Variants in MVB12B observed in about 807,000 individuals in gnomAD.
The protein encoded by MVB12B is ESCRT-I complex subunit MVB12B.
Under a neutral mutation model 41.6 loss-of-function variants are expected in MVB12B, and 16 were observed. That is an observed-to-expected ratio of 0.38 (90% CI 0.26 to 0.58). The LOEUF is 0.58. Ranked by LOEUF, MVB12B falls within the 20% of genes least tolerant of loss-of-function variation. MVB12B has a pLI of 0.62. For missense variants in MVB12B, 274 were observed against 380.2 expected (o/e 0.72, Z 2.32); for synonymous variants, 133 against 139.7 (o/e 0.95, Z 0.34).
chr9:126,480,252 G>T lies in MVB12B; in HGVS notation c.758-1117G>T, dbSNP rs916712936. On this transcript the variant is annotated intron_variant, in intron 7 of 9. Transcript: ENST00000361171. This position sits in a 1 kb window ranked among gnomAD's most constrained non-coding sequence, Gnocchi z 4.9. ...GACCAGGCCCCTAACAACTGCGGCT[G>T]CATGTTCCCGACTCTTCCCAGACCT... 2.6e-5 allele frequency among the ~76,000 whole-genome samples: 4 copies of T among 152,100 alleles called. No individual in the cohort carries two copies. Among genetic ancestry groups the T allele is most frequent in the Non-Finnish European group, 5.9e-5 (4 of 68,014 alleles).
intron 6 of MVB12B, among the ~76,000 whole-genome samples, chr9:126,415,129 T>G (rs1198666355): frequency 6.6e-6 from 1 of 152,206 alleles, no homozygotes; most frequent in Non-Finnish European, 1.5e-5. Context: ...GCCAGTGGCC[T>G]AGTGCAGCTC....
intron 9 of MVB12B, among the ~76,000 whole-genome samples, chr9:126,502,775 G>A (rs1588218830): frequency 6.6e-6 from 1 of 152,218 alleles, no homozygotes; most frequent in Admixed American, 6.5e-5. Flanking sequence ...CAGGTTTGGG[G>A]TTGAGAATCT....
chr9:126,381,847 C>G (rs1830647022), intron 3 of MVB12B, among the ~76,000 whole-genome samples: 1 of 151,856 alleles, frequency 6.6e-6, no homozygotes, highest in Admixed American at 6.6e-5. Flanking sequence ...GCACCTCATT[C>G]TGTCCCCAGG....
At position 126,506,258 on chromosome 9, in the gene MVB12B, G is replaced by C. The variant is rs1436334225; in HGVS notation, c.*2995G>C. On this transcript the variant is annotated 3_prime_UTR_variant, in exon 10 of 10. Transcript: ENST00000361171. ...AGCACCTGTTCCTGGCCAGGCTCTA[G>C]GCCAGGCTCTCTAAGCACATTTCTC... 1 of 152,662 alleles carries C rather than the reference G, an allele frequency of 6.6e-6. No homozygotes were observed. Among genetic ancestry groups the C allele is most frequent in the Non-Finnish European group, 1.5e-5 (1 of 68,040 alleles). The allele number at this position is 152,662 out of a possible 1,614,324, so 9.5% of individuals were successfully genotyped here.
intron 7 of MVB12B, among the ~76,000 whole-genome samples, chr9:126,466,422 C>A (rs754784014): frequency 6.6e-6 from 1 of 152,220 alleles, no homozygotes; most frequent in East Asian, 1.9e-4. Context: ...AAGCAAGTCA[C>A]ATGGCCAAGC....
intron 2 of MVB12B, among the ~76,000 whole-genome samples, chr9:126,360,554 T>C (rs998868663): frequency 1.1e-4 from 16 of 152,224 alleles, no homozygotes; most frequent in Non-Finnish European, 1.8e-4. Context: ...ATTCTTCTTC[T>C]GTTGCAGTTG....
intron 8 of MVB12B, among the ~76,000 whole-genome samples, chr9:126,482,971 G>A (rs2119208588): frequency 6.6e-6 from 1 of 152,376 alleles, no homozygotes; most frequent in South Asian, 2.1e-4. Context: ...AGGAGGCGCT[G>A]AGACTGGTTT....
At position 126,376,432 on chromosome 9, in the gene MVB12B, G is replaced by T. The variant is rs148482556; in HGVS notation, c.205-4632G>T. ...CAGTGCCTGGTGACCCTTTGTTGTG[G>T]GTTGGGATTTAAGATGGAGGCACCA... On this transcript the variant is annotated intron_variant, in intron 2 of 9. Coordinates refer to ENST00000361171, the MANE Select transcript of MVB12B (RefSeq NM_033446.3). This position sits in a 1 kb window ranked among gnomAD's most constrained non-coding sequence, Gnocchi z 4.1. 6 of 1,112,738 alleles carry T rather than the reference G, an allele frequency of 5.4e-6. No homozygotes were observed. Among genetic ancestry groups the T allele is most frequent in the South Asian group, 1.3e-5 (1 of 77,466 alleles). The allele number at this position is 1,112,738 out of a possible 1,614,324, so 68.9% of individuals were successfully genotyped here.
chr9:126,484,269 A>G (rs1588206546), intron 9 of MVB12B, among the ~76,000 whole-genome samples: 1 of 152,398 alleles, frequency 6.6e-6, no homozygotes, highest in East Asian at 1.9e-4. Context: ...TCTCTAAGTC[A>G]GAATGTTTTA....
chr9:126,346,375 TGGG>T (rs898601988), intron 2 of MVB12B, among the ~76,000 whole-genome samples: 1 of 150,162 alleles, frequency 6.7e-6, no homozygotes, highest in African/African-American at 2.5e-5. Context: ...TGTTGGGAGG[TGGG>T]GGAGTAGGGA....
Position 126,459,798 on chromosome 9 carries a change from C to T in MVB12B, c.758-21571C>T, listed in dbSNP as rs1476069376. Among the ~76,000 whole-genome samples the T allele has an allele frequency of 2.0e-5, 3 of 152,146 alleles. No homozygotes were observed. Among genetic ancestry groups the T allele is most frequent in the African/African-American group, 4.8e-5 (2 of 41,434 alleles). ...CCGCTCACTTGGACCTGCCACTCTC[C>T]CACAGGGGCCGCTTGTCTCACAGTC... On this transcript the variant is annotated intron_variant, in intron 7 of 9. Coordinates refer to ENST00000361171, the MANE Select transcript of MVB12B (RefSeq NM_033446.3). This position sits in a 1 kb window ranked among gnomAD's most constrained non-coding sequence, Gnocchi z 4.3.
chr9:126,494,328 T>C (rs1370937001), intron 9 of MVB12B, among the ~76,000 whole-genome samples: 1 of 152,198 alleles, frequency 6.6e-6, no homozygotes, highest in East Asian at 1.9e-4. Context: ...CGGCAGCCAG[T>C]GTCCTGGCAG....
chr9:126,466,698 G>T (rs1382442722), intron 7 of MVB12B, among the ~76,000 whole-genome samples: 2 of 152,124 alleles, frequency 1.3e-5, no homozygotes, highest in Non-Finnish European at 2.9e-5. Flanking sequence ...TTTCTATGGT[G>T]CCCTAGAGAT....
In MVB12B at chr9:126,503,343, C is replaced by A; in HGVS notation, c.*80C>A. ...GGGCTGCTGCCCCCGCCTCCTCCTG[C>A]CGCCTCCGCCAGCCCTCCCTCCCAC... is the stretch of plus-strand genomic sequence containing the variant. On this transcript the variant is annotated 3_prime_UTR_variant, in exon 10 of 10. Transcript: ENST00000361171. 2 of 1,179,470 alleles carry A rather than the reference C, an allele frequency of 1.7e-6. No homozygotes were observed. Among genetic ancestry groups the A allele is most frequent in the Non-Finnish European group, 2.4e-6 (2 of 830,430 alleles). The allele number at this position is 1,179,470 out of a possible 1,614,324, so 73.1% of individuals were successfully genotyped here. A position where few individuals can be genotyped will look rare whatever the true frequency, so the allele number is the denominator to read the frequency against.
At chr9:126,356,471 C>T (rs752585994) in intron 2 of MVB12B, among the ~76,000 whole-genome samples, 42 of 152,058 alleles carry the variant, frequency 2.8e-4, no homozygotes, top group Non-Finnish European at 4.4e-5. Flanking sequence ...ATACAATAGA[C>T]TGCATATATT....
chr9:126,460,546 T>C (rs1833068360), intron 7 of MVB12B, among the ~76,000 whole-genome samples: 1 of 152,008 alleles, frequency 6.6e-6, no homozygotes, highest in Non-Finnish European at 1.5e-5. Flanking sequence ...CTATCCCCTG[T>C]GTAGAGATGT....
At chr9:126,424,785 T>C (rs1397233159) in intron 7 of MVB12B, among the ~76,000 whole-genome samples, 3 of 152,152 alleles carry the variant, frequency 2.0e-5, no homozygotes, top group Non-Finnish European at 4.4e-5. Flanking sequence ...TGTACCCTAA[T>C]CCAAACGGCC....
At chr9:126,488,054 G>T (rs961788401) in intron 9 of MVB12B, among the ~76,000 whole-genome samples, 1 of 152,164 alleles carries the variant, frequency 6.6e-6, no homozygotes, top group African/African-American at 2.4e-5. Flanking sequence ...GCTTTTCTCC[G>T]TAAATAAACC....
intron 2 of MVB12B, among the ~76,000 whole-genome samples, chr9:126,341,193 TC>T (rs1829435674): frequency 6.6e-6 from 1 of 152,154 alleles, no homozygotes; most frequent in Non-Finnish European, 1.5e-5. Flanking sequence ...CCCCTCCAAG[TC>T]CAGTGCTGTG....
Sources: gnomAD v4.1 joint callset for allele counts (sites outside exome capture counted in the v4.1 genomes callset) on GRCh38, gnomAD v4.1.1 for gene constraint, Gnocchi (gnomAD v3.1) non-coding constraint, MANE v1.5 for transcripts, NCBI Gene and HGNC (gene_info 2026-07-23, HGNC 2026-07-21) for gene names.